Variants in ADAM15 observed in about 807,000 individuals in gnomAD.
ADAM15 encodes the protein ADAM metallopeptidase domain 15, also known as disintegrin and metalloproteinase domain-containing protein 15.
Under a neutral mutation model 113.8 loss-of-function variants are expected in ADAM15, and 77 were observed. That is an observed-to-expected ratio of 0.68 (90% CI 0.56 to 0.82). ADAM15 has a LOEUF of 0.82. Ranked by LOEUF, ADAM15 falls within the 40% of genes least tolerant of loss-of-function variation. The pLI, the probability that ADAM15 is intolerant of heterozygous loss-of-function variation, is 0.00. For synonymous variants in ADAM15, 388 were observed against 454.1 expected (o/e 0.85, Z 1.85); for missense variants, 963 against 1,120.1 (o/e 0.86, Z 2.00).
chr1:155,053,346 G>A (rs1661343090), intron 2 of ADAM15, 71 bp from the exon 3 acceptor site: 1 of 1,428,960 alleles, frequency 7.0e-7, no homozygotes, highest in Non-Finnish European at 9.8e-7. Context: ...GTGGGCCTGA[G>A]GTTTTCTGGT....
rs1327376641 is a variant in ADAM15 at position 155,056,588 on chromosome 1, G to C, written c.999+118G>C. The C allele has an allele frequency of 2.4e-5, 24 of 995,876 alleles. No homozygotes were observed. The highest frequency in any genetic ancestry group is 2.7e-5 in the Non-Finnish European group (18 of 667,406). 61.7% of individuals were successfully genotyped at this position (995,876 alleles called of 1,614,324 possible). On this transcript the variant is annotated intron_variant, in intron 10 of 22. Coordinates refer to ENST00000356955, the MANE Select transcript of ADAM15 (RefSeq NM_207197.3). This position sits in a 1 kb window ranked among gnomAD's most constrained non-coding sequence, Gnocchi z 4.0. Reference sequence around the variant, plus strand: ...CAACCCCAAAGCTACAGGTATAGAGGGTGGAGGTACGTGATGTGGCCTTTG... The same window carrying C: ...CAACCCCAAAGCTACAGGTATAGAGCGTGGAGGTACGTGATGTGGCCTTTG...
chr1:155,052,636 C>T (rs1376994125), intron 1 of ADAM15, 35 bp from the exon 2 acceptor site: 2 of 1,573,396 alleles, frequency 1.3e-6, no homozygotes, highest in South Asian at 1.2e-5. Flanking sequence ...TGTCGATTCC[C>T]TCAGTACTGT....
rs1371677929 is a variant in ADAM15 at position 155,058,963 on chromosome 1, G to A, written c.1995+176G>A. ...GCTCAGTTTCCCCACCTATCAAATG[G>A]CTATAATAATAGTATCCCCATCCAG... On this transcript the variant is annotated intron_variant, in intron 16 of 22. Coordinates refer to ENST00000356955, the MANE Select transcript of ADAM15 (RefSeq NM_207197.3). This position sits in a 1 kb window ranked among gnomAD's most constrained non-coding sequence, Gnocchi z 4.3. Among the ~76,000 whole-genome samples the A allele has an allele frequency of 1.3e-5, 2 of 152,284 alleles. No individual in the cohort carries two copies. The highest frequency in any genetic ancestry group is 3.9e-4 in the East Asian group (2 of 5,188).
Position 155,057,849 on chromosome 1 carries a change from A to G in ADAM15, c.1417-2A>G, listed in dbSNP as rs752938382. On this transcript the variant is annotated splice_acceptor_variant, in intron 13 of 22. Coordinates refer to ENST00000356955, the MANE Select transcript of ADAM15 (RefSeq NM_207197.3). LOFTEE classifies it high-confidence loss of function. This position sits in a 1 kb window ranked among gnomAD's most constrained non-coding sequence, Gnocchi z 5.0. ...ACACTGATGCTCATCCACCCTCCAC[A>G]GCTGCGCCCGTCTGGCTGGCAGTGT... 6.2e-6 allele frequency: 10 copies of G among 1,613,204 alleles called. No homozygotes were observed. The highest frequency in any genetic ancestry group is 6.8e-6 in the Non-Finnish European group (8 of 1,179,456).
At position 155,058,190 on chromosome 1, in the gene ADAM15, C is replaced by A; in HGVS notation, c.1721+35C>A. 4 of 1,611,638 alleles carry A rather than the reference C, an allele frequency of 2.5e-6. No homozygotes were observed. Among genetic ancestry groups the A allele is most frequent in the Non-Finnish European group, 3.4e-6 (4 of 1,178,414 alleles). On this transcript the variant is annotated intron_variant, in intron 14 of 22. Coordinates refer to ENST00000356955, the MANE Select transcript of ADAM15 (RefSeq NM_207197.3). This position sits in a 1 kb window ranked among gnomAD's most constrained non-coding sequence, Gnocchi z 4.3. Reference sequence around the variant, plus strand: ...GAAACCTGGCTCCTCCTTTGGGTTTCTGAGAGCCTTGGCCCTGCTCCTACT... The same window carrying A: ...GAAACCTGGCTCCTCCTTTGGGTTTATGAGAGCCTTGGCCCTGCTCCTACT...
In ADAM15 at chr1:155,060,974, C is replaced by T. The variant is rs560903065; in HGVS notation, c.2277+142C>T. On this transcript the variant is annotated intron_variant, in intron 19 of 22. Transcript: ENST00000356955. ...TCAGTCGAAGGAGTCAGGGCCAGCC[C>T]TGCCCTCCCCTCCCCTGGCTACAGG... 1.0e-4 allele frequency: 78 copies of T among 775,994 alleles called. No individual in the cohort carries two copies. In the Middle Eastern group the frequency reaches 1.5e-3, roughly 15 times the overall value. The allele number at this position is 775,994 out of a possible 1,614,324, so 48.1% of individuals were successfully genotyped here.
chr1:155,052,274 G>A (rs1187933718), intron 1 of ADAM15: 26 of 554,904 alleles, frequency 4.7e-5, no homozygotes, highest in Non-Finnish European at 6.1e-5. Flanking sequence ...TGTGAGCGAA[G>A]GGGAGGGTGA....
At chr1:155,059,064 G>T (rs1052603938) in intron 16 of ADAM15, among the ~76,000 whole-genome samples, 1 of 151,980 alleles carries the variant, frequency 6.6e-6, no homozygotes, top group Non-Finnish European at 1.5e-5. Context: ...CAGTTTTTTT[G>T]TTTGTTTGTT....
rs1370398196 is a variant in ADAM15 at position 155,054,348 on chromosome 1, A to T, written c.454A>T (p.Thr152Ser). The change falls in exon 6 of 23, where the codon ACC becomes TCC. Residue 152 changes from threonine to serine, a missense_variant. By Grantham distance (58) the Thr-to-Ser change is moderately conservative (BLOSUM62 1). Transcript: ENST00000356955. ...GGTCCTGACCCCAGAGAGAAGCTAT[A>T]CCCTGGAGCAGGGGCCTGGGGACCT... ...LVVLTPERSYTLEQGPGDLQG... is the reference protein window; with the variant it reads ...LVVLTPERSYSLEQGPGDLQG... 6.2e-7 allele frequency: 1 copy of T among 1,609,326 alleles called. No homozygotes were observed. Among genetic ancestry groups the T allele is most frequent in the Non-Finnish European group, 8.5e-7 (1 of 1,178,128 alleles).
chr1:155,051,646 A>G (rs1661035778), intron 1 of ADAM15, 181 bp downstream of exon 1: 2 of 515,958 alleles, frequency 3.9e-6, no homozygotes, highest in Non-Finnish European at 6.5e-6. Flanking sequence ...GTGAAAAGAG[A>G]AGGAGGGGGG....
rs1661933468 is a variant in ADAM15 at position 155,057,513 on chromosome 1, G to T, written c.1324-124G>T. ...TGTCTGTGGGGACAGCACATGGGTTGTTGGGCTCTAGCCCTCGCTTGCTGT... is the reference window on the plus strand; with the variant it reads ...TGTCTGTGGGGACAGCACATGGGTTTTTGGGCTCTAGCCCTCGCTTGCTGT... On this transcript the variant is annotated intron_variant, in intron 12 of 22. Coordinates refer to ENST00000356955, the MANE Select transcript of ADAM15 (RefSeq NM_207197.3). The surrounding 1 kb of genome is among the most constrained non-coding windows in gnomAD (Gnocchi z 5.0). 2.0e-6 allele frequency: 3 copies of T among 1,488,574 alleles called. No individual in the cohort carries two copies. Among genetic ancestry groups the T allele is most frequent in the Non-Finnish European group, 2.8e-6 (3 of 1,082,688 alleles). 92.2% of individuals were successfully genotyped at this position (1,488,574 alleles called of 1,614,324 possible).
chr1:155,054,267 G>C (rs1241721560), intron 5 of ADAM15, 41 bp downstream of exon 5: 1 of 1,584,662 alleles, frequency 6.3e-7, no homozygotes, highest in African/African-American at 1.4e-5. Context: ...AAAGTAAGGA[G>C]ACCCAGGCAT....
chr1:155,060,014 A>G, intron 17 of ADAM15, 40 bp downstream of exon 17: 2 of 1,610,516 alleles, frequency 1.2e-6, no homozygotes, highest in Non-Finnish European at 1.7e-6. Context: ...TGGGAGGGCA[A>G]AGCGTCTCAT....
rs535690736 is a variant in ADAM15, at chr1:155,053,554, A to C, written c.263+61A>C. 2.3e-5 allele frequency: 36 copies of C among 1,551,740 alleles called. No individual in the cohort carries two copies. The Middle Eastern group carries it at 5.0e-4, about 22-fold the overall frequency. ...GCCAACAACTTGTATAGCATTTATT[A>C]TGTGCCAGGTACTAAGTGCTTGTGC... On this transcript the variant is annotated intron_variant, in intron 3 of 22. Coordinates refer to ENST00000356955, the MANE Select transcript of ADAM15 (RefSeq NM_207197.3).
rs1385920235 is a variant in ADAM15, at chr1:155,056,416, C to T, written c.945C>T (p.Gly315=). ...TGTSFSGPTV[G]MAIQNSICSP... is the part of the protein sequence containing the mutation. ...CTTCATTCTCTGGGCCTACGGTGGG[C>T]ATGGCCATTCAGAACTCCATCTGTT... is the stretch of plus-strand genomic sequence containing the variant. The change falls in exon 10 of 23, where the codon GGC becomes GGT. Residue 315 remains glycine (G), a synonymous_variant. Transcript: ENST00000356955. This position sits in a 1 kb window ranked among gnomAD's most constrained non-coding sequence, Gnocchi z 4.0. 6.2e-7 allele frequency: 1 copy of T among 1,614,176 alleles called. No individual in the cohort carries two copies. The highest frequency in any genetic ancestry group is 1.6e-4 in the Middle Eastern group (1 of 6,062).
At chr1:155,060,999 G>T in intron 19 of ADAM15, 167 bp downstream of exon 19, 2 of 680,164 alleles carry the variant, frequency 2.9e-6, no homozygotes, top group South Asian at 3.8e-5. Flanking sequence ...CTGGCTACAG[G>T]CAGGGAAGCT....
chr1:155,054,284 G>A (rs751979419), intron 5 of ADAM15, 30 bp from the exon 6 acceptor site: 1 of 1,586,894 alleles, frequency 6.3e-7, no homozygotes, highest in Non-Finnish European at 8.6e-7. Flanking sequence ...GCATGGAGCT[G>A]AAATGTTCTC....
At chr1:155,054,606 G>T (rs145815601) in intron 6 of ADAM15, 100 bp downstream of exon 6, 44,313 of 1,299,422 alleles carry the variant, frequency 0.034, 910 homozygotes, top group Middle Eastern at 0.077. Flanking sequence ...TCCTGCGAAT[G>T]GAGCACTTTC....
chr1:155,060,571 G>A (rs1662431250), intron 18 of ADAM15, among the ~76,000 whole-genome samples, 192 bp from the exon 19 acceptor site: 1 of 152,098 alleles, frequency 6.6e-6, no homozygotes, highest in Non-Finnish European at 1.5e-5. Flanking sequence ...TTCTCCCCAG[G>A]AGCCCCTGTG....
Sources: gnomAD v4.1 joint callset for allele counts (sites outside exome capture counted in the v4.1 genomes callset) on GRCh38, gnomAD v4.1.1 for gene constraint, Gnocchi (gnomAD v3.1) non-coding constraint, MANE v1.5 for transcripts, NCBI Gene and HGNC (gene_info 2026-07-23, HGNC 2026-07-21) for gene names.